Variants in SPAG16 observed in about 807,000 individuals in gnomAD.
SPAG16 encodes sperm-associated antigen 16 protein.
Under a neutral mutation model 80.4 loss-of-function variants are expected in SPAG16, and 86 were observed. The observed-to-expected ratio is 1.07, with a 90% CI of 0.90 to 1.28. SPAG16 has a LOEUF of 1.28. Among genes scored for constraint, SPAG16 ranks in the 50% most tolerant of loss-of-function variants. The pLI is 0.00. For synonymous variants in SPAG16, 294 were observed against 265.9 expected (o/e 1.11, Z -1.03); for missense variants, 870 against 765.3 (o/e 1.14, Z -1.61).
At chr2:213,791,745 G>T (rs1033990537) in intron 10 of SPAG16, among the ~76,000 whole-genome samples, 2 of 152,106 alleles carry the variant, frequency 1.3e-5, no homozygotes, top group African/African-American at 4.8e-5. Context: ...GTCAAGCATG[G>T]TTAAGACAGG....
chr2:214,294,980 C>T (rs569776198), intron 15 of SPAG16, among the ~76,000 whole-genome samples: 1 of 152,320 alleles, frequency 6.6e-6, no homozygotes, highest in South Asian at 2.1e-4. Context: ...AATGATAATG[C>T]CTGTATCCCT....
intron 10 of SPAG16, among the ~76,000 whole-genome samples, chr2:213,574,895 T>C (rs1016313739): frequency 3.3e-5 from 5 of 151,994 alleles, no homozygotes; most frequent in African/African-American, 1.2e-4. Flanking sequence ...ACCATAATAA[T>C]GGTTTACACC....
At chr2:213,333,181 A>T (rs2064184093) in intron 5 of SPAG16, among the ~76,000 whole-genome samples, 1 of 152,196 alleles carries the variant, frequency 6.6e-6, no homozygotes, top group Non-Finnish European at 1.5e-5. Flanking sequence ...CAACATCAAC[A>T]TACAAAAATC....
Position 213,308,769 on chromosome 2 carries a change from A to C in SPAG16, c.280-1290A>C, listed in dbSNP as rs544221793. 1.2e-4 allele frequency among the ~76,000 whole-genome samples: 18 copies of C among 152,248 alleles called. No homozygotes were observed. In the East Asian group the frequency reaches 3.5e-3, roughly 29 times the overall value. ...TATCTGGTGGTATTCCGTGTTTTGT[A>C]ATCATTTTTAGGACAGTAATGAAGA... is the stretch of plus-strand genomic sequence containing the variant. On this transcript the variant is annotated intron_variant, in intron 3 of 15. Coordinates refer to ENST00000331683, the MANE Select transcript of SPAG16 (RefSeq NM_024532.5).
At chr2:213,304,670 C>T (rs558983047) in intron 3 of SPAG16, among the ~76,000 whole-genome samples, 2 of 152,152 alleles carry the variant, frequency 1.3e-5, no homozygotes, top group Admixed American at 6.5e-5. Context: ...ATACCTTTGT[C>T]GAAAATGAGT....
intron 10 of SPAG16, among the ~76,000 whole-genome samples, chr2:213,652,596 G>A (rs1164773236): frequency 1.3e-5 from 2 of 152,000 alleles, no homozygotes; most frequent in African/African-American, 4.8e-5. Flanking sequence ...GTTCTAACAG[G>A]TAGTGATATA....
intron 13 of SPAG16, among the ~76,000 whole-genome samples, chr2:214,050,418 A>G (rs2049580234): frequency 6.6e-6 from 1 of 152,090 alleles, no homozygotes; most frequent in South Asian, 2.1e-4. Context: ...CCCTTTCTGT[A>G]TCAGCATCAA....
chr2:213,976,520 C>A (rs55676249), intron 12 of SPAG16, among the ~76,000 whole-genome samples: 18,160 of 151,836 alleles, frequency 0.12, 1,532 homozygotes, highest in African/African-American at 0.25. Context: ...TAATCAGTGA[C>A]TATAAAATAG....
intron 15 of SPAG16, among the ~76,000 whole-genome samples, chr2:214,228,961 G>T (rs549619458): frequency 2.6e-5 from 4 of 151,650 alleles, no homozygotes; most frequent in Non-Finnish European, 4.4e-5. Flanking sequence ...CAGCCTAAAT[G>T]GATAGAAACA....
intron 12 of SPAG16, among the ~76,000 whole-genome samples, chr2:213,967,229 T>C (rs1335628570): frequency 6.6e-6 from 1 of 152,218 alleles, no homozygotes; most frequent in Admixed American, 6.5e-5. Context: ...TCACCTTAAA[T>C]TGTATTCTGT....
chr2:213,374,938 A>G (rs1052398276), intron 8 of SPAG16, 72 bp from the exon 9 acceptor site: 32 of 1,124,214 alleles, frequency 2.8e-5, no homozygotes, highest in African/African-American at 1.9e-4. Flanking sequence ...TTTGGTTTTC[A>G]TATTTTTGGT....
At chr2:214,288,779 A>ATTTATTTATTTG (rs1693575202) in intron 15 of SPAG16, among the ~76,000 whole-genome samples, 1 of 150,106 alleles carries the variant, frequency 6.7e-6, no homozygotes, top group African/African-American at 2.5e-5. Flanking sequence ...TTATTTATTT[A>ATTTATTTATTTG]TTTATTTGAG....
chr2:213,981,885 A>G (rs1043543683), intron 12 of SPAG16, among the ~76,000 whole-genome samples: 1 of 149,442 alleles, frequency 6.7e-6, no homozygotes, highest in Non-Finnish European at 1.5e-5. Context: ...TCATGAAGGT[A>G]TCCATTTTCT....
Position 213,777,053 on chromosome 2 carries a change from G to A in SPAG16, c.1071-85432G>A, listed in dbSNP as rs944129890. ...TAACCGTAGTTATTAAAATGTCATA[G>A]GTTTCTTTGTTACTTCACAATTGAG... On this transcript the variant is annotated intron_variant, in intron 10 of 15. Transcript: ENST00000331683. 5.3e-5 allele frequency among the ~76,000 whole-genome samples: 8 copies of A among 151,426 alleles called. 1 individual carries two copies. Among genetic ancestry groups the A allele is most frequent in the Admixed American group, 4.0e-4 (6 of 15,182 alleles).
chr2:214,122,659 A>G (rs948047711), intron 14 of SPAG16, among the ~76,000 whole-genome samples: 1 of 151,890 alleles, frequency 6.6e-6, no homozygotes, highest in African/African-American at 2.4e-5. Context: ...TTTATGCACC[A>G]AAATTATTTC....
chr2:214,188,245 T>C (rs2057542861), intron 15 of SPAG16, among the ~76,000 whole-genome samples: 1 of 152,282 alleles, frequency 6.6e-6, no homozygotes, highest in Admixed American at 6.5e-5. Flanking sequence ...GTTAGGCCAT[T>C]AAGTATATTT....
chr2:213,673,957 A>G lies in SPAG16; in HGVS notation c.1070+183867A>G, dbSNP rs116838184. ...GAAATATTAACAACTTTAATACTTA[A>G]TAGTTGCAAGTGTCATTTATAAATA... is the stretch of plus-strand genomic sequence containing the variant. On this transcript the variant is annotated intron_variant, in intron 10 of 15. Transcript: ENST00000331683. 9.1e-3 allele frequency among the ~76,000 whole-genome samples: 1,393 copies of G among 152,258 alleles called. 13 individuals are homozygous for G. The highest frequency in any genetic ancestry group is 0.017 in the Middle Eastern group (5 of 294).
chr2:214,244,314 T>C (rs1689690101), intron 15 of SPAG16, among the ~76,000 whole-genome samples: 1 of 151,886 alleles, frequency 6.6e-6, no homozygotes, highest in Non-Finnish European at 1.5e-5. Context: ...GATTTAAGGC[T>C]TACTTACTAG....
chr2:214,218,053 C>T (rs111676368), intron 15 of SPAG16, among the ~76,000 whole-genome samples: 23 of 152,174 alleles, frequency 1.5e-4, no homozygotes, highest in African/African-American at 4.8e-4. Context: ...CCAGCATAAA[C>T]AAATGTTTTA....
Sources: allele counts gnomAD v4.1 joint callset (sites outside exome capture counted in the v4.1 genomes callset), GRCh38; gene constraint gnomAD v4.1.1; transcripts MANE v1.5; gene names NCBI Gene and HGNC (gene_info 2026-07-23, HGNC 2026-07-21).